The following TMEM131L variants were observed in gnomAD, a reference collection of about 807,000 sequenced individuals.
TMEM131L encodes transmembrane protein 131-like.
A neutral mutation model predicts 192.2 loss-of-function variants in TMEM131L; 54 were observed. That is an observed-to-expected ratio of 0.28 (90% CI 0.23 to 0.35). The LOEUF (loss-of-function observed/expected upper bound fraction) is 0.35, where lower values mean the gene tolerates loss of function less well. Among genes scored for constraint, TMEM131L ranks in the 10% least tolerant of loss-of-function variants. TMEM131L has a pLI of 1.00. For synonymous variants in TMEM131L, 701 were observed against 704.9 expected (o/e 0.99, Z 0.09); for missense variants, 1,888 against 1,972.9 (o/e 0.96, Z 0.82).
rs201480266 is a variant in TMEM131L at position 153,635,567 on chromosome 4, C to G, written c.4553C>G (p.Ser1518Cys). The G allele has an allele frequency of 2.8e-5, 45 of 1,614,158 alleles. No homozygotes were observed. In the Admixed American group the frequency reaches 4.5e-4, roughly 16 times the overall value. ...TGGGGACATGCCAGTTTCATCAGCT[C>G]TCCGGTCAGTGTTGCCCATCCTGTG... ...AAWGHASFIS[S>C]PPYLTSTRSL... The change falls in exon 34 of 35, where the codon TCT becomes TGT. Residue 1518 changes from serine to cysteine, a missense_variant. By Grantham distance (112) the Ser-to-Cys change is moderately radical (BLOSUM62 -1). Coordinates refer to ENST00000409959, the MANE Select transcript of TMEM131L (RefSeq NM_001131007.2).
At chr4:153,471,188 A>G (rs553428205) in intron 2 of TMEM131L, among the ~76,000 whole-genome samples, 2 of 152,038 alleles carry the variant, frequency 1.3e-5, no homozygotes, top group Admixed American at 6.5e-5. Flanking sequence ...GGGTTTCACT[A>G]TGTTGGTCAG....
intron 3 of TMEM131L, among the ~76,000 whole-genome samples, chr4:153,492,475 T>G (rs1202219437): frequency 1.3e-5 from 2 of 152,252 alleles, no homozygotes; most frequent in African/African-American, 4.8e-5. Flanking sequence ...AAACTTTGTT[T>G]AAATCATAGG....
chr4:153,494,542 G>C (rs1733022048), intron 3 of TMEM131L, among the ~76,000 whole-genome samples: 1 of 152,202 alleles, frequency 6.6e-6, no homozygotes, highest in East Asian at 1.9e-4. Context: ...ATCTTGACTT[G>C]GGGAAACTCA....
intron 3 of TMEM131L, among the ~76,000 whole-genome samples, chr4:153,532,446 T>TTA (rs1554027938): frequency 4.1e-5 from 6 of 144,974 alleles, no homozygotes; most frequent in Non-Finnish European, 6.1e-5. Flanking sequence ...GCTTTTTTTT[T>TTA]AAAAAAAAAA....
intron 3 of TMEM131L, among the ~76,000 whole-genome samples, chr4:153,478,677 T>G (rs1478653784): frequency 6.6e-6 from 1 of 152,216 alleles, no homozygotes; most frequent in Non-Finnish European, 1.5e-5. Context: ...ATGGGAGATT[T>G]GTCGGTTCTC....
At chr4:153,507,379 G>A (rs1158608921) in intron 3 of TMEM131L, among the ~76,000 whole-genome samples, 1 of 152,160 alleles carries the variant, frequency 6.6e-6, no homozygotes, top group East Asian at 1.9e-4. Context: ...TGGGATCTGC[G>A]TGGCACATCT....
At position 153,477,960 on chromosome 4, in the gene TMEM131L, C is replaced by T. The variant is rs539117086; in HGVS notation, c.239+4072C>T. Among the ~76,000 whole-genome samples, 12 of 152,298 alleles carry T rather than the reference C, an allele frequency of 7.9e-5. No individual in the cohort carries two copies. In the South Asian group the frequency reaches 2.5e-3, roughly 32 times the overall value. ...CGAAAGAAGTGCCTTACCCTTTAGC[C>T]ATCAACCTCCAATCTCCTATCCCTG... On this transcript the variant is annotated intron_variant, in intron 3 of 34. Transcript: ENST00000409959.
chr4:153,626,492 A>G (rs1267136383), intron 30 of TMEM131L, among the ~76,000 whole-genome samples: 1 of 152,224 alleles, frequency 6.6e-6, no homozygotes, highest in Non-Finnish European at 1.5e-5. Flanking sequence ...GTGGTGGTTC[A>G]CACTTGTAAT....
At chr4:153,543,543 G>A (rs938950427) in intron 3 of TMEM131L, among the ~76,000 whole-genome samples, 6 of 152,186 alleles carry the variant, frequency 3.9e-5, no homozygotes, top group South Asian at 2.1e-4. Context: ...GGGGAAGGCC[G>A]CCGCCTGGAG....
chr4:153,571,138 T>C (rs1219508805), intron 7 of TMEM131L, among the ~76,000 whole-genome samples: 3 of 152,206 alleles, frequency 2.0e-5, no homozygotes, highest in Admixed American at 2.0e-4. Flanking sequence ...CTGGGTCTAC[T>C]AAAAACATCT....
At chr4:153,569,544 A>G (rs17030192) in intron 7 of TMEM131L, among the ~76,000 whole-genome samples, 15,000 of 152,230 alleles carry the variant, frequency 0.099, 2,251 homozygotes, top group African/African-American at 0.32. Context: ...GTGTTAAAAT[A>G]TGGCAGTAGA....
chr4:153,508,062 G>A (rs1222998050), intron 3 of TMEM131L, among the ~76,000 whole-genome samples: 1 of 152,166 alleles, frequency 6.6e-6, no homozygotes. Context: ...AATAGGAATT[G>A]ATTTGAGGAG....
At chr4:153,594,814 A>G (rs1422951335) in intron 19 of TMEM131L, among the ~76,000 whole-genome samples, 1 of 152,030 alleles carries the variant, frequency 6.6e-6, no homozygotes. Context: ...GTGTGGTTTT[A>G]TTCTTGTTAG....
At chr4:153,531,275 T>C (rs183662149) in intron 3 of TMEM131L, among the ~76,000 whole-genome samples, 36 of 152,362 alleles carry the variant, frequency 2.4e-4, no homozygotes, top group African/African-American at 8.2e-4. Flanking sequence ...GAATCCATAT[T>C]ATCTCTGAGA....
chr4:153,625,209 C>T (rs1733747781), intron 29 of TMEM131L, among the ~76,000 whole-genome samples: 1 of 152,188 alleles, frequency 6.6e-6, no homozygotes, highest in African/African-American at 2.4e-5. Context: ...GTCAGGAGTT[C>T]AAGACCAGCT....
chr4:153,624,382 G>A (rs1338526799), intron 29 of TMEM131L, among the ~76,000 whole-genome samples: 3 of 152,228 alleles, frequency 2.0e-5, no homozygotes. Context: ...GCCTCCCAAA[G>A]TGCCGGGATT....
chr4:153,590,946 T>G, intron 16 of TMEM131L, 107 bp from the exon 17 acceptor site: 1 of 683,898 alleles, frequency 1.5e-6, no homozygotes, highest in Non-Finnish European at 2.1e-6. Context: ...CCTTTTCCTT[T>G]AAGTGGGAAT....
intron 7 of TMEM131L, among the ~76,000 whole-genome samples, chr4:153,565,723 G>T (rs1318554681): frequency 3.4e-5 from 5 of 148,212 alleles, no homozygotes; most frequent in Non-Finnish European, 4.4e-5. Flanking sequence ...AGTAGAAAAA[G>T]AATTTGATAA....
chr4:153,498,682 G>A (rs1223659091), intron 3 of TMEM131L, among the ~76,000 whole-genome samples: 1 of 152,126 alleles, frequency 6.6e-6, no homozygotes, highest in Non-Finnish European at 1.5e-5. Flanking sequence ...GTGGCCCTTT[G>A]GTCCCCAGGG....
Sources: allele counts gnomAD v4.1 joint callset (sites outside exome capture counted in the v4.1 genomes callset), GRCh38; gene constraint gnomAD v4.1.1; transcripts MANE v1.5; gene names NCBI Gene and HGNC (gene_info 2026-07-23, HGNC 2026-07-21).